PHACTR3: variants seen among roughly 807,000 people sequenced by gnomAD.
PHACTR3 encodes the protein protein phosphatase 1, regulatory subunit 123.
PHACTR3 carries 16 observed loss-of-function variants against 66.8 expected under a neutral mutation model. The ratio of observed to expected loss-of-function variants is 0.24; its 90% confidence interval spans 0.16 to 0.36. PHACTR3 has a LOEUF of 0.36. Ranked by LOEUF, PHACTR3 falls within the 10% of genes least tolerant of loss-of-function variation. The pLI is 1.00. For synonymous variants in PHACTR3, 323 were observed against 292.1 expected, an observed-to-expected ratio of 1.11 and a Z score of -1.08; for missense variants, 647 against 719.9, an observed-to-expected ratio of 0.90 and a Z score of 1.16.
chr20:59,843,591 ACT>A (rs888756110), intron 11 of PHACTR3: 6 of 152,048 alleles, frequency 3.9e-5, no homozygotes, highest in African/African-American at 1.4e-4. Context: ...GGGAAAGGAC[ACT>A]CTTCAATAAA....
intron 2 of PHACTR3, among the ~76,000 whole-genome samples, chr20:59,746,348 TC>T (rs1326577195): frequency 6.6e-6 from 1 of 152,320 alleles, no homozygotes; most frequent in Admixed American, 6.5e-5. Flanking sequence ...TTGCCATCTG[TC>T]CTCCCACCTG....
chr20:59,653,919 C>T (rs2035536721), intron 1 of PHACTR3, among the ~76,000 whole-genome samples: 2 of 152,138 alleles, frequency 1.3e-5, no homozygotes, highest in South Asian at 4.2e-4. Context: ...GTACTAAATA[C>T]CATTCCCCAC....
At chr20:59,706,144 C>G (rs1262254302) in intron 1 of PHACTR3, among the ~76,000 whole-genome samples, 1 of 152,196 alleles carries the variant, frequency 6.6e-6, no homozygotes, top group African/African-American at 2.4e-5. Flanking sequence ...CATTAAGACC[C>G]CACTGGCTTC....
intron 7 of PHACTR3, among the ~76,000 whole-genome samples, chr20:59,803,743 TCTTA>T (rs1412369005): frequency 2.0e-5 from 3 of 152,254 alleles, no homozygotes; most frequent in African/African-American, 7.2e-5. Flanking sequence ...GTGTTCAATT[TCTTA>T]CTTTTATGAA....
chr20:59,584,226 G>T (rs567983078), intron 1 of PHACTR3, among the ~76,000 whole-genome samples: 1 of 149,980 alleles, frequency 6.7e-6, no homozygotes, highest in African/African-American at 2.5e-5. Flanking sequence ...ACATGAGTGC[G>T]TGTGCCTGTG....
intron 1 of PHACTR3, among the ~76,000 whole-genome samples, chr20:59,671,623 C>T (rs1568693638): frequency 6.6e-6 from 1 of 152,246 alleles, no homozygotes; most frequent in Admixed American, 6.5e-5. Flanking sequence ...TTGAAATACT[C>T]AGAGCTCGGG....
At chr20:59,635,169 C>T (rs191077869) in intron 1 of PHACTR3, among the ~76,000 whole-genome samples, 1,016 of 54,972 alleles carry the variant, frequency 0.018, 57 homozygotes, top group Middle Eastern at 0.026. Context: ...TTCTTTCTTT[C>T]CTTTCTTTCT....
At chr20:59,720,668 T>C (rs557782360) in intron 1 of PHACTR3, among the ~76,000 whole-genome samples, 7 of 152,148 alleles carry the variant, frequency 4.6e-5, no homozygotes, top group Admixed American at 1.3e-4. Context: ...CTCTTCCAAA[T>C]TGTGTTTGCC....
At chr20:59,728,815 C>T (rs1013509078) in intron 1 of PHACTR3, among the ~76,000 whole-genome samples, 2 of 151,030 alleles carry the variant, frequency 1.3e-5, no homozygotes, top group Non-Finnish European at 3.0e-5. Flanking sequence ...GGACCGACAA[C>T]ACCAAGTCAG....
At chr20:59,752,202 A>G (rs1189679771) in intron 3 of PHACTR3, among the ~76,000 whole-genome samples, 2 of 152,220 alleles carry the variant, frequency 1.3e-5, no homozygotes, top group Non-Finnish European at 2.9e-5. Context: ...GTGCACACAC[A>G]TGCACGTGCA....
intron 8 of PHACTR3, among the ~76,000 whole-genome samples, chr20:59,818,109 T>C (rs2041935134): frequency 6.6e-6 from 1 of 152,202 alleles, no homozygotes; most frequent in Admixed American, 6.5e-5. Context: ...TGTGCGGCCC[T>C]CTCAGCTCCA....
In PHACTR3 at chr20:59,605,058, G is replaced by A; in HGVS notation, c.44G>A (p.Gly15Asp). The change falls in exon 1 of 13, where the codon GGC becomes GAC. Residue 15 changes from glycine to aspartate, a missense_variant. Transcript: ENST00000371015. ...GGGAGCGGCTGCCTCGTGTCGCGGGGCCGCTCGCAGAGTGACCCCAGCGTC... is the reference window on the plus strand; with the variant it reads ...GGGAGCGGCTGCCTCGTGTCGCGGGACCGCTCGCAGAGTGACCCCAGCGTC... ...EDGSGCLVSRGRSQSDPSVLT... is the reference protein window; with the variant it reads ...EDGSGCLVSRDRSQSDPSVLT... The A allele has an allele frequency of 1.4e-6, 2 of 1,400,726 alleles. No individual in the cohort carries two copies. The allele number at this position is 1,400,726 out of a possible 1,614,324, so 86.8% of individuals were successfully genotyped here.
chr20:59,654,927 G>A (rs890942305), intron 1 of PHACTR3, among the ~76,000 whole-genome samples: 4 of 151,908 alleles, frequency 2.6e-5, no homozygotes, highest in African/African-American at 9.7e-5. Context: ...TGGTTTCTTT[G>A]TTTTATTGAG....
Position 59,634,098 on chromosome 20 carries a change from T to A in PHACTR3, c.118+28966T>A, listed in dbSNP as rs2034766069. On this transcript the variant is annotated intron_variant, in intron 1 of 12. Transcript: ENST00000371015. ...CGCCCAGCTTTCGGTCTTCACCTTA[T>A]TGCCTGGGAGATAGATATAATGGAT... 2.0e-5 allele frequency among the ~76,000 whole-genome samples: 3 copies of A among 152,250 alleles called. No homozygotes were observed. The South Asian group carries it at 6.2e-4, about 32-fold the overall frequency.
At chr20:59,635,149 T>TTCCTTTTCTTTCTTTCTTTCC (rs1555881160) in intron 1 of PHACTR3, among the ~76,000 whole-genome samples, 1 of 60,378 alleles carries the variant, frequency 1.7e-5, no homozygotes, top group African/African-American at 6.6e-5. Context: ...CTTTCTTTCT[T>TTCCTTTTCTTTCTTTCTTTCC]TTTCTTTCTT....
At chr20:59,642,874 A>AATTTTAAG (rs2035154167) in intron 1 of PHACTR3, among the ~76,000 whole-genome samples, 1 of 152,042 alleles carries the variant, frequency 6.6e-6, no homozygotes. Context: ...TGAATCAAAG[A>AATTTTAAG]ATTTTAAGAA....
intron 1 of PHACTR3, among the ~76,000 whole-genome samples, chr20:59,659,376 T>G (rs1427903328): frequency 1.2e-4 from 17 of 144,536 alleles, no homozygotes; most frequent in Admixed American, 7.6e-4. Context: ...GGGACTTTTT[T>G]TTTTTTTTTT....
At chr20:59,689,445 G>A (rs1053525141) in intron 1 of PHACTR3, among the ~76,000 whole-genome samples, 15 of 152,222 alleles carry the variant, frequency 9.9e-5, no homozygotes, top group Non-Finnish European at 1.5e-4. Flanking sequence ...ACACTTGTGT[G>A]GGGATCTTGA....
At chr20:59,698,185 C>A (rs1268937136) in intron 1 of PHACTR3, among the ~76,000 whole-genome samples, 1 of 152,092 alleles carries the variant, frequency 6.6e-6, no homozygotes, top group East Asian at 1.9e-4. Context: ...AACTAAATTT[C>A]TATGGGAGGA....
Sources: gnomAD v4.1 joint callset for allele counts (sites outside exome capture counted in the v4.1 genomes callset) on GRCh38, gnomAD v4.1.1 for gene constraint, MANE v1.5 for transcripts, NCBI Gene and HGNC (gene_info 2026-07-23, HGNC 2026-07-21) for gene names.